Variants in GTF3C3 observed in about 807,000 individuals in gnomAD.
The protein encoded by GTF3C3 is general transcription factor 3C polypeptide 3.
GTF3C3 carries 75 observed loss-of-function variants against 105.2 expected under a neutral mutation model. The observed-to-expected ratio is 0.71, with a 90% CI of 0.59 to 0.86. The LOEUF is 0.86. GTF3C3 is among the 40% of genes least tolerant of loss of function. The pLI is 0.00. For missense variants in GTF3C3, 856 were observed against 1,076.5 expected (o/e 0.80, Z 2.87); for synonymous variants, 335 against 370.4 (o/e 0.90, Z 1.10).
intron 8 of GTF3C3, among the ~76,000 whole-genome samples, chr2:196,784,140 C>T (rs551556090): frequency 1.3e-5 from 2 of 152,258 alleles, no homozygotes; most frequent in South Asian, 2.1e-4. Context: ...TGACAGGCCA[C>T]GGAAGGAGCT....
rs559004130 is a variant in GTF3C3, at chr2:196,785,713, A to G, written c.894-125T>C. 2.9e-5 allele frequency: 18 copies of G among 624,740 alleles called. No individual in the cohort carries two copies. In the African/African-American group the frequency reaches 3.1e-4, roughly 11 times the overall value. The allele number at this position is 624,740 out of a possible 1,614,324, so 38.7% of individuals were successfully genotyped here. On this transcript the variant is annotated intron_variant, in intron 6 of 17. Transcript: ENST00000263956. ...TTCTTAGAATTTGAGAGGAATGTGT[A>G]TTTCCTTAAAATCGTAATCAGAACT...
intron 13 of GTF3C3, 46 bp from the exon 14 acceptor site, chr2:196,773,199 A>AAAT: frequency 9.6e-7 from 1 of 1,036,448 alleles, no homozygotes; most frequent in Admixed American, 2.3e-5. Flanking sequence ...GTATTTCCAG[A>AAAT]AATAGCAGTA....
chr2:196,794,853 C>T (rs1311155101), intron 2 of GTF3C3, among the ~76,000 whole-genome samples: 2 of 150,952 alleles, frequency 1.3e-5, no homozygotes, highest in African/African-American at 4.9e-5. Flanking sequence ...CTCAGCCTCC[C>T]GAATAGCTGG....
At chr2:196,788,958 T>G (rs1159888047) in intron 6 of GTF3C3, among the ~76,000 whole-genome samples, 1 of 151,920 alleles carries the variant, frequency 6.6e-6, no homozygotes, top group Admixed American at 6.6e-5. Context: ...TCCCAGCTAT[T>G]TGGGAGGCTG....
chr2:196,766,487 T>G, intron 17 of GTF3C3, 78 bp downstream of exon 17: 1 of 1,055,100 alleles, frequency 9.5e-7, no homozygotes, highest in Non-Finnish European at 1.4e-6. Flanking sequence ...AGCTATAATT[T>G]ACTGGCTGGA....
chr2:196,789,787 C>G (rs544282114), intron 5 of GTF3C3, 92 bp downstream of exon 5: 2 of 756,038 alleles, frequency 2.6e-6, no homozygotes, highest in South Asian at 4.1e-5. Flanking sequence ...TTATCTCAGC[C>G]AATATCACAC....
At chr2:196,778,506 C>A (rs1200502506) in intron 10 of GTF3C3, 1 of 193,940 alleles carries the variant, frequency 5.2e-6, no homozygotes, top group Non-Finnish European at 1.1e-5. Flanking sequence ...ATGTGTGGCT[C>A]AAAGAGCATT....
chr2:196,765,414 T>TAAAC (rs992929531), intron 17 of GTF3C3, among the ~76,000 whole-genome samples: 3 of 152,018 alleles, frequency 2.0e-5, no homozygotes, highest in Admixed American at 1.3e-4. Context: ...CAACCTTTAA[T>TAAAC]AAACAATCTC....
Position 196,793,100 on chromosome 2 carries a change from C to T in GTF3C3, c.267G>A (p.Met89Ile). 1 of 1,613,848 alleles carries T rather than the reference C, an allele frequency of 6.2e-7. No homozygotes were observed. The highest frequency in any genetic ancestry group is 1.1e-5 in the South Asian group (1 of 91,064). Reference protein sequence around the residue: ...RKSVHKVFASMLGENEDDEEE... With the variant: ...RKSVHKVFASILGENEDDEEE... ...CCTCATCATCTTCATTCTCTCCAAG[C>T]ATGGAAGCAAAGACCTTGTGAACTG... Residue 89 changes from methionine (M) to isoleucine (I), a missense_variant, in exon 3 of 18, where the codon ATG becomes ATA. Met to Ile is a conservative substitution (Grantham distance 10). Transcript: ENST00000263956.
At chr2:196,767,292 C>T (rs554438833) in intron 16 of GTF3C3, among the ~76,000 whole-genome samples, 12 of 152,298 alleles carry the variant, frequency 7.9e-5, no homozygotes, top group South Asian at 2.1e-4. Flanking sequence ...GCTACAATGA[C>T]GCTGGCTCCC....
chr2:196,764,212 T>C lies in GTF3C3; in HGVS notation c.*351A>G, dbSNP rs983410579. 3 of 159,376 alleles carry C rather than the reference T, an allele frequency of 1.9e-5. No homozygotes were observed. Among genetic ancestry groups the C allele is most frequent in the African/African-American group, 4.8e-5 (2 of 41,750 alleles). 9.9% of individuals were successfully genotyped at this position (159,376 alleles called of 1,614,324 possible). A position where few individuals can be genotyped will look rare whatever the true frequency, so the allele number is the denominator to read the frequency against. On this transcript the variant is annotated 3_prime_UTR_variant, in exon 18 of 18. Transcript: ENST00000263956. ...TACGTATTTGAAAAACTGCCTCATGTGATATTGACAGAGCTATAGTATTAA... is the reference window on the plus strand; with the variant it reads ...TACGTATTTGAAAAACTGCCTCATGCGATATTGACAGAGCTATAGTATTAA...
At chr2:196,792,630 T>C (rs976811083) in intron 3 of GTF3C3, among the ~76,000 whole-genome samples, 1 of 152,224 alleles carries the variant, frequency 6.6e-6, no homozygotes, top group African/African-American at 2.4e-5. Flanking sequence ...TATTTATTTA[T>C]TGTGTTGTAC....
intron 10 of GTF3C3, chr2:196,777,991 ATATT>A (rs1393632641): frequency 1.3e-5 from 2 of 152,194 alleles, no homozygotes; most frequent in Non-Finnish European, 2.9e-5. Context: ...ATTTGTATTC[ATATT>A]TATTCATCTA....
chr2:196,793,978 A>T (rs967465063), intron 2 of GTF3C3, among the ~76,000 whole-genome samples: 4 of 152,178 alleles, frequency 2.6e-5, no homozygotes, highest in African/African-American at 9.7e-5. Context: ...TTTAATCCCC[A>T]ATGTGCGAAT....
In GTF3C3 at chr2:196,786,704, AC is replaced by A. The variant is rs1385157046; in HGVS notation, c.894-1117del. ...TTTTCCCAACTTAAAAAATTCTCCCACCCCTACAACCCATTCCTCTGCTCCC... is the reference window on the plus strand; with the variant it reads ...TTTTCCCAACTTAAAAAATTCTCCCACCCTACAACCCATTCCTCTGCTCCC... On this transcript the variant is annotated intron_variant, in intron 6 of 17. Transcript: ENST00000263956. The surrounding 1 kb of genome is among the most constrained non-coding windows in gnomAD (Gnocchi z 4.2). 6.7e-6 allele frequency among the ~76,000 whole-genome samples: 1 copy of A among 149,012 alleles called. No individual in the cohort carries two copies. The highest frequency in any genetic ancestry group is 2.5e-5 in the African/African-American group (1 of 40,808).
At chr2:196,777,549 AATCTCTCCTGACCATC>A (rs1699280539) in intron 10 of GTF3C3, 1 of 152,156 alleles carries the variant, frequency 6.6e-6, no homozygotes, top group Non-Finnish European at 1.5e-5. Context: ...TGCTTTTTCA[AATCTCTCCTGACCATC>A]ATCTTTAGGT....
intron 10 of GTF3C3, among the ~76,000 whole-genome samples, chr2:196,777,166 G>A (rs1006878089): frequency 6.6e-6 from 1 of 151,984 alleles, no homozygotes; most frequent in African/African-American, 2.4e-5. Context: ...TCTGTATTTG[G>A]CCACAGTGGG....
intron 3 of GTF3C3, chr2:196,792,014 G>C (rs998727430): frequency 1.3e-5 from 2 of 150,178 alleles, no homozygotes; most frequent in Non-Finnish European, 3.0e-5. Context: ...TTACTAATTA[G>C]AATAATAACA....
rs1268016499 is a variant in GTF3C3, at chr2:196,786,092, G to T, written c.894-504C>A. On this transcript the variant is annotated intron_variant, in intron 6 of 17. Coordinates refer to ENST00000263956, the MANE Select transcript of GTF3C3 (RefSeq NM_012086.5). This position sits in a 1 kb window ranked among gnomAD's most constrained non-coding sequence, Gnocchi z 4.2. Reference sequence around the variant, plus strand: ...CACCACCTGCCCAGCTGACCATGTTGACTGGTCTCACTCTAAACTGATGAC... The same window carrying T: ...CACCACCTGCCCAGCTGACCATGTTTACTGGTCTCACTCTAAACTGATGAC... Among the ~76,000 whole-genome samples, 1 of 152,118 alleles carries T rather than the reference G, an allele frequency of 6.6e-6. No homozygotes were observed. The highest frequency in any genetic ancestry group is 1.5e-5 in the Non-Finnish European group (1 of 68,012).
Sources: allele counts gnomAD v4.1 joint callset (sites outside exome capture counted in the v4.1 genomes callset), GRCh38; gene constraint gnomAD v4.1.1; non-coding constraint Gnocchi (gnomAD v3.1); transcripts MANE v1.5; gene names NCBI Gene and HGNC (gene_info 2026-07-23, HGNC 2026-07-21).